Variants in GNG7 observed in about 807,000 individuals in gnomAD.
GNG7 encodes the protein guanine nucleotide-binding protein G(I)/G(S)/G(O) subunit gamma-7.
Under a neutral mutation model 4.0 loss-of-function variants are expected in GNG7, and 1 was observed. That is an observed-to-expected ratio of 0.25 (90% confidence interval 0.09 to 1.18). The LOEUF is 1.18. Ranked by LOEUF, GNG7 falls within the 50% of genes most tolerant of loss-of-function variation. The probability of loss-of-function intolerance (pLI) is 0.50; values close to 1 mark genes in which losing one functional copy is unlikely to be tolerated. For missense variants in GNG7, 86 were observed against 91.9 expected, an observed-to-expected ratio of 0.94 and a Z score of 0.26; for synonymous variants, 34 against 36.9, an observed-to-expected ratio of 0.92 and a Z score of 0.29.
intron 2 of GNG7, among the ~76,000 whole-genome samples, chr19:2,625,333 A>G (rs1276672884): frequency 2.0e-5 from 3 of 152,124 alleles, no homozygotes; most frequent in Admixed American, 6.5e-5. Context: ...CAGCACCCCA[A>G]AGCACTGGGA....
intron 1 of GNG7, among the ~76,000 whole-genome samples, chr19:2,688,079 C>T (rs1245366975): frequency 6.6e-6 from 1 of 151,990 alleles, no homozygotes; most frequent in Non-Finnish European, 1.5e-5. Flanking sequence ...GGTGAAACCC[C>T]GTCCCTACTA....
intron 3 of GNG7, among the ~76,000 whole-genome samples, chr19:2,529,341 C>CCT (rs1568232867): frequency 6.6e-6 from 1 of 151,952 alleles, no homozygotes; most frequent in Admixed American, 6.6e-5. Context: ...CTCAGCCTCC[C>CCT]GGAGTAGCTG....
chr19:2,645,972 C>T (rs1357615221), intron 2 of GNG7, among the ~76,000 whole-genome samples: 1 of 152,140 alleles, frequency 6.6e-6, no homozygotes, highest in Non-Finnish European at 1.5e-5. Flanking sequence ...TGACCCCATC[C>T]AGGGGCTCCG....
chr19:2,532,515 G>A (rs1293712801), intron 3 of GNG7, among the ~76,000 whole-genome samples: 8 of 152,158 alleles, frequency 5.3e-5, no homozygotes, highest in Admixed American at 5.2e-4. Flanking sequence ...ACGTGTTATT[G>A]GAACACCAGA....
chr19:2,526,323 T>C (rs184367545), intron 3 of GNG7, among the ~76,000 whole-genome samples: 170 of 151,750 alleles, frequency 1.1e-3, no homozygotes, highest in African/African-American at 4.1e-3. Context: ...CAGGCTGGTC[T>C]CAAACGCCTG....
At chr19:2,585,008 GAA>G (rs1980624824) in intron 2 of GNG7, among the ~76,000 whole-genome samples, 1 of 86,304 alleles carries the variant, frequency 1.2e-5, no homozygotes, top group African/African-American at 6.2e-5. Context: ...AGGAAGGAAG[GAA>G]AGAAGGAAGG....
At chr19:2,568,384 T>C (rs1980009263) in intron 2 of GNG7, among the ~76,000 whole-genome samples, 2 of 137,648 alleles carry the variant, frequency 1.5e-5, no homozygotes, top group South Asian at 4.6e-4. Context: ...TAGACACACA[T>C]ATACAACACA....
chr19:2,687,745 GCA>G (rs1335728724), intron 1 of GNG7, among the ~76,000 whole-genome samples: 137 of 136,836 alleles, frequency 1.0e-3, no homozygotes, highest in East Asian at 3.5e-3. Context: ...GGAGGCCGAG[GCA>G]GGCAGATCAC....
intron 3 of GNG7, among the ~76,000 whole-genome samples, chr19:2,543,107 CAG>C (rs1268676305): frequency 1.3e-5 from 2 of 151,918 alleles, no homozygotes; most frequent in Non-Finnish European, 2.9e-5. Flanking sequence ...TTTGTAGAGA[CAG>C]GGTTTCACCA....
At chr19:2,537,917 A>C (rs751202660) in intron 3 of GNG7, among the ~76,000 whole-genome samples, 17 of 152,110 alleles carry the variant, frequency 1.1e-4, no homozygotes, top group Admixed American at 2.6e-4. Flanking sequence ...CTCTACCAAA[A>C]AATACAAACA....
chr19:2,610,356 TTAC>T (rs56120765), intron 2 of GNG7: 70,972 of 144,756 alleles, frequency 0.49, 17,827 homozygotes, highest in Middle Eastern at 0.65. Flanking sequence ...TTATTTATTA[TTAC>T]TTTTTTAAGA....
At chr19:2,547,389 G>A (rs1015082877) in intron 3 of GNG7, among the ~76,000 whole-genome samples, 3 of 152,046 alleles carry the variant, frequency 2.0e-5, no homozygotes, top group African/African-American at 7.2e-5. Context: ...GCCTAGAGGT[G>A]CCCGTATCCC....
chr19:2,521,865 C>T (rs774394134), intron 3 of GNG7, among the ~76,000 whole-genome samples: 8 of 152,086 alleles, frequency 5.3e-5, no homozygotes, highest in Admixed American at 1.3e-4. Context: ...CCACCCTCCT[C>T]GGCCTCTCAA....
chr19:2,557,309 GCACAGACACACATGTGCA>G lies in GNG7; in HGVS notation c.-77-2139_-77-2122del, dbSNP rs761494416. 8.3e-6 allele frequency among the ~76,000 whole-genome samples: 1 copy of G among 120,974 alleles called. No individual in the cohort carries two copies. Among genetic ancestry groups the G allele is most frequent in the East Asian group, 2.3e-4 (1 of 4,360 alleles). The allele number at this position is 120,974 out of a possible 152,430, so 79.4% of individuals were successfully genotyped here. On this transcript the variant is annotated intron_variant, in intron 2 of 4. Coordinates refer to ENST00000382159, the MANE Select transcript of GNG7 (RefSeq NM_052847.3). The surrounding 1 kb of genome is among the most constrained non-coding windows in gnomAD (Gnocchi z 5.1). ...TGCACACACAGAGGTGCACATACAC[GCACAGACACACATGTGCA>G]CACAGACACACACATGTGCACACAC... is the stretch of plus-strand genomic sequence containing the variant.
At chr19:2,665,500 G>A (rs929569204) in intron 1 of GNG7, among the ~76,000 whole-genome samples, 1 of 152,186 alleles carries the variant, frequency 6.6e-6, no homozygotes, top group South Asian at 2.1e-4. Context: ...GAAAGAAAAT[G>A]AGAACGAACG....
At chr19:2,530,024 C>T (rs1447650246) in intron 3 of GNG7, among the ~76,000 whole-genome samples, 3 of 152,204 alleles carry the variant, frequency 2.0e-5, no homozygotes, top group Non-Finnish European at 4.4e-5. Context: ...ACGACTTGGA[C>T]TTTGGGTTAA....
At chr19:2,655,695 C>T (rs1030157516) in intron 1 of GNG7, among the ~76,000 whole-genome samples, 50 of 151,844 alleles carry the variant, frequency 3.3e-4, no homozygotes, top group African/African-American at 1.1e-3. Flanking sequence ...AAAAATTAGC[C>T]GGGCGTGGTG....
At chr19:2,632,690 C>T (rs1982195594) in intron 2 of GNG7, 1 of 152,206 alleles carries the variant, frequency 6.6e-6, no homozygotes, top group Admixed American at 6.5e-5. Flanking sequence ...CCACTCCCTG[C>T]CAGGAGCACC....
chr19:2,615,166 T>C (rs180707637), intron 2 of GNG7, among the ~76,000 whole-genome samples: 2,653 of 115,338 alleles, frequency 0.023, 71 homozygotes, highest in African/African-American at 0.078. Flanking sequence ...TGTGACACTC[T>C]TTTTTTTTTT....
Sources: allele counts gnomAD v4.1 joint callset (sites outside exome capture counted in the v4.1 genomes callset), GRCh38; gene constraint gnomAD v4.1.1; non-coding constraint Gnocchi (gnomAD v3.1); transcripts MANE v1.5; gene names NCBI Gene and HGNC (gene_info 2026-07-23, HGNC 2026-07-21).